The following MDM1 variants were observed in gnomAD, a reference collection of about 807,000 sequenced individuals.
MDM1 encodes the protein stabilizer of axonemal microtubules 6, also known as Mdm1 nuclear protein.
Under a neutral mutation model 89.1 loss-of-function variants are expected in MDM1, and 61 were observed. The ratio of observed to expected loss-of-function variants is 0.68; its 90% CI spans 0.56 to 0.85. The LOEUF is 0.85. MDM1 is among the 40% of genes least tolerant of loss of function. The pLI, the probability that MDM1 is intolerant of heterozygous loss-of-function variation, is 0.00. For missense variants in MDM1, 820 were observed against 846.5 expected (o/e 0.97, Z 0.39); for synonymous variants, 290 against 294.1 (o/e 0.99, Z 0.14).
chr12:68,302,514 A>C, intron 13 of MDM1, 106 bp downstream of exon 13: 1 of 1,068,298 alleles, frequency 9.4e-7, no homozygotes, highest in Non-Finnish European at 1.3e-6. Context: ...ATTAACCAAA[A>C]ATACTAAATA....
At chr12:68,323,409 TATGTACTC>T (rs1177839152) in intron 4 of MDM1, 169 bp from the exon 5 acceptor site, 1 of 532,494 alleles carries the variant, frequency 1.9e-6, no homozygotes, top group Non-Finnish European at 3.2e-6. Context: ...AGGTCAACTT[TATGTACTC>T]ATTACTATGT....
chr12:68,326,910 G>A lies in MDM1; in HGVS notation c.245C>T (p.Ala82Val), dbSNP rs138786804. The change falls in exon 3 of 15, where the codon GCA becomes GTA. Residue 82 changes from alanine to valine, a missense_variant. By Grantham distance (64) the Ala-to-Val change is moderately conservative (BLOSUM62 0). Transcript: ENST00000682720. ...TTCCGGGGCTTCTGGTTCTGGTGAT[G>A]CAACCACATTGCTCTCTGAGATAGC... ...NGAISESNVV[A>V]SPEPEAPETP... 78 of 1,613,966 alleles carry A rather than the reference G, an allele frequency of 4.8e-5. No individual in the cohort carries two copies. In the Middle Eastern group the frequency reaches 4.9e-4, roughly 10 times the overall value.
Position 68,321,577 on chromosome 12 carries a change from C to G in MDM1, c.853G>C (p.Asp285His). The G allele has an allele frequency of 6.2e-7, 1 of 1,612,982 alleles. No homozygotes were observed. ...LKLEAEMELK[D>H]LHQPKRKLTP... ...AGCTTCCTTTTAGGCTGGTGTAAGT[C>G]TTTTAATTCCATCTCTGCTTCCAAT... Residue 285 changes from aspartate to histidine, a missense_variant, in exon 6 of 15, where the codon GAC (aspartate) becomes CAC (histidine). Coordinates refer to ENST00000682720, the MANE Select transcript of MDM1 (RefSeq NM_001354969.2).
chr12:68,308,580 A>G (rs977814997), intron 12 of MDM1, among the ~76,000 whole-genome samples: 1 of 152,196 alleles, frequency 6.6e-6, no homozygotes, highest in African/African-American at 2.4e-5. Context: ...AGAGACCTGT[A>G]GTCTTATTTA....
At position 68,325,508 on chromosome 12, in the gene MDM1, G is replaced by A; in HGVS notation, c.566C>T (p.Ser189Phe). The change falls in exon 4 of 15, where the codon TCT becomes TTT. Residue 189 changes from serine to phenylalanine, a missense_variant. Ser to Phe is a radical substitution (Grantham distance 155). Transcript: ENST00000682720. The stretch of plus-strand genomic sequence containing the variant: ...CCAAACAAACTGCCTTTGATATTCA[G>A]AATTTCTCAAGGCATTATATGAAGG... ...VVPSYNALRN[S>F]EYQRQFVWKT... 6 of 1,599,434 alleles carry A rather than the reference G, an allele frequency of 3.8e-6. No individual in the cohort carries two copies. The South Asian group carries it at 5.7e-5, about 15-fold the overall frequency.
At chr12:68,327,467 G>A in intron 2 of MDM1, 3 of 1,535,960 alleles carry the variant, frequency 2.0e-6, no homozygotes, top group Non-Finnish European at 2.6e-6. Flanking sequence ...GAAGGGATGA[G>A]ATGTCACTGT....
At chr12:68,298,331 A>C (rs994100945) in intron 13 of MDM1, among the ~76,000 whole-genome samples, 8 of 152,200 alleles carry the variant, frequency 5.3e-5, no homozygotes, top group African/African-American at 1.9e-4. Flanking sequence ...GAATCTCAGG[A>C]GTCCCAGATC....
At chr12:68,305,005 A>G (rs941626568) in intron 12 of MDM1, among the ~76,000 whole-genome samples, 1 of 152,128 alleles carries the variant, frequency 6.6e-6, no homozygotes, top group African/African-American at 2.4e-5. Flanking sequence ...GTCTACCTTC[A>G]TCAGGAATAT....
chr12:68,319,932 T>G (rs1376880092), intron 7 of MDM1, among the ~76,000 whole-genome samples: 3 of 152,230 alleles, frequency 2.0e-5, no homozygotes, highest in Non-Finnish European at 4.4e-5. Context: ...ATTAGATGTT[T>G]AGTTCTGATG....
chr12:68,305,951 G>A (rs1466706388), intron 12 of MDM1, among the ~76,000 whole-genome samples: 7 of 122,154 alleles, frequency 5.7e-5, no homozygotes, highest in African/African-American at 6.3e-5. Context: ...GCAATCCTAA[G>A]CAAAAAAAAA....
chr12:68,321,217 T>A, intron 7 of MDM1, 130 bp downstream of exon 7: 1 of 550,976 alleles, frequency 1.8e-6, no homozygotes, highest in East Asian at 2.9e-5. Context: ...TTCCTGATAC[T>A]ATTAGTGCTA....
intron 7 of MDM1, 193 bp downstream of exon 7, chr12:68,321,154 C>A: frequency 4.9e-6 from 2 of 410,584 alleles, no homozygotes; most frequent in Admixed American, 4.4e-5. Context: ...ATATTAATTT[C>A]TGAAGAGCCA....
chr12:68,327,229 A>G, intron 2 of MDM1: 4 of 1,406,386 alleles, frequency 2.8e-6, no homozygotes, highest in Non-Finnish European at 3.7e-6. Flanking sequence ...AAAAGCATTA[A>G]AAATTTGACC....
Position 68,325,469 on chromosome 12 carries a change from T to C in MDM1, c.605A>G (p.Glu202Gly). Residue 202 changes from glutamate to glycine, a missense_variant, in exon 4 of 15, where the codon GAA (glutamate) becomes GGA (glycine). Coordinates refer to ENST00000682720, the MANE Select transcript of MDM1 (RefSeq NM_001354969.2). Reference protein sequence around the residue: ...QRQFVWKTSKETAPAFAANQV... With the variant: ...QRQFVWKTSKGTAPAFAANQV... ...ATTGGCTGCAAAAGCTGGAGCAGTT[T>C]CTTTAGAAGTCTTCCAAACAAACTG... 8 of 1,586,158 alleles carry C rather than the reference T, an allele frequency of 5.0e-6. No individual in the cohort carries two copies. The highest frequency in any genetic ancestry group is 1.7e-6 in the Non-Finnish European group (2 of 1,168,072).
At chr12:68,295,436 A>G in intron 14 of MDM1, 70 bp from the exon 15 acceptor site, 1 of 965,224 alleles carries the variant, frequency 1.0e-6, no homozygotes, top group Middle Eastern at 2.2e-4. Context: ...TGTGTTTTAT[A>G]TAACAGAAAA....
At chr12:68,302,378 C>T (rs1203564885) in intron 13 of MDM1, among the ~76,000 whole-genome samples, 1 of 152,152 alleles carries the variant, frequency 6.6e-6, no homozygotes, top group Non-Finnish European at 1.5e-5. Context: ...AGTGGATTCC[C>T]TGTATGTGTA....
At position 68,315,272 on chromosome 12, in the gene MDM1, A is replaced by G. The variant is rs1874333114; in HGVS notation, c.1212-7T>C. 6.3e-7 allele frequency: 1 copy of G among 1,596,948 alleles called. No individual in the cohort carries two copies. The highest frequency in any genetic ancestry group is 8.5e-7 in the Non-Finnish European group (1 of 1,171,740). On this transcript the variant is annotated splice_polypyrimidine_tract_variant and splice_region_variant and intron_variant, in intron 9 of 14. Coordinates refer to ENST00000682720, the MANE Select transcript of MDM1 (RefSeq NM_001354969.2). ...CTTATGGCTTGTAGGATCTCTGCGT[A>G]ACAAAATCAATTTTATTTTAAATGT...
chr12:68,326,284 A>G lies in MDM1; in HGVS notation c.498+373T>C, dbSNP rs147187764. On this transcript the variant is annotated intron_variant, in intron 3 of 14. Coordinates refer to ENST00000682720, the MANE Select transcript of MDM1 (RefSeq NM_001354969.2). ...TGTTTGTCTTCTTGTACACGATAAG[A>G]AACTGAAAAGGGGCTAGGTAGAAGT... The G allele has an allele frequency of 6.3e-5, 79 of 1,254,318 alleles. No individual in the cohort carries two copies. In the Middle Eastern group the frequency reaches 9.5e-4, roughly 15 times the overall value. 77.7% of individuals were successfully genotyped at this position (1,254,318 alleles called of 1,614,324 possible).
At chr12:68,295,664 T>A (rs1161901747) in intron 14 of MDM1, among the ~76,000 whole-genome samples, 1 of 152,194 alleles carries the variant, frequency 6.6e-6, no homozygotes, top group African/African-American at 2.4e-5. Context: ...ATTTCAGTAT[T>A]ACTTGAAAAT....
Sources: allele counts gnomAD v4.1 joint callset (sites outside exome capture counted in the v4.1 genomes callset), GRCh38; gene constraint gnomAD v4.1.1; transcripts MANE v1.5; gene names NCBI Gene and HGNC (gene_info 2026-07-23, HGNC 2026-07-21).